The following DLGAP2 variants were observed in gnomAD, a reference collection of about 807,000 sequenced individuals.
DLGAP2 encodes DLG associated protein 2.
DLGAP2 carries 26 observed loss-of-function variants against 100.3 expected under a neutral mutation model. The ratio of observed to expected loss-of-function variants is 0.26; its 90% CI spans 0.19 to 0.36. DLGAP2 has a LOEUF of 0.36. Ranked by LOEUF, DLGAP2 falls within the 10% of genes least tolerant of loss-of-function variation. The probability of loss-of-function intolerance (pLI) is 1.00; values close to 1 mark genes in which losing one functional copy is unlikely to be tolerated. For synonymous variants in DLGAP2, 886 were observed against 630.1 expected (o/e 1.41, Z -6.08); for missense variants, 1,858 against 1,453.2 (o/e 1.28, Z -4.53).
At chr8:1,559,039 G>T (rs1222865347) in intron 5 of DLGAP2, among the ~76,000 whole-genome samples, 5 of 152,194 alleles carry the variant, frequency 3.3e-5, no homozygotes, top group Admixed American at 3.3e-4. Context: ...TTGGAAGAAA[G>T]AAAAGATATT....
intron 3 of DLGAP2, among the ~76,000 whole-genome samples, chr8:1,344,131 G>GGTCCGTGTACTTGGGGCCCTGTCGTGA (rs1801493122): frequency 1.8e-5 from 2 of 112,826 alleles, no homozygotes; most frequent in South Asian, 6.8e-4. Context: ...CCCTGTCGTG[G>GGTCCGTGTACTTGGGGCCCTGTCGTGA]GTCCGTGTAC....
chr8:1,143,657 C>G (rs1165061905), intron 2 of DLGAP2, among the ~76,000 whole-genome samples: 1 of 152,180 alleles, frequency 6.6e-6, no homozygotes, highest in Middle Eastern at 3.2e-3. Context: ...CTCTCCTTCC[C>G]TCACCCACGC....
chr8:1,450,442 CGGCCTCGGTGGCTGTGGCT>C (rs1798122015), intron 3 of DLGAP2, among the ~76,000 whole-genome samples: 1 of 43,000 alleles, frequency 2.3e-5, no homozygotes, highest in Non-Finnish European at 5.2e-5. Context: ...ACGAGGTGGG[CGGCCTCGGTGGCTGTGGCT>C]GAGGCTGAGC....
intron 2 of DLGAP2, among the ~76,000 whole-genome samples, chr8:976,999 G>A (rs1419888701): frequency 1.3e-5 from 2 of 152,178 alleles, no homozygotes; most frequent in Non-Finnish European, 1.5e-5. Flanking sequence ...GAAATGACAA[G>A]CTACAGACTG....
intron 1 of DLGAP2, among the ~76,000 whole-genome samples, chr8:861,196 C>T (rs965081178): frequency 6.6e-6 from 1 of 152,202 alleles, no homozygotes; most frequent in South Asian, 2.1e-4. Flanking sequence ...TTGTTCCCTA[C>T]ACGATACAGT....
chr8:787,228 C>G (rs892019248), intron 1 of DLGAP2, among the ~76,000 whole-genome samples: 2 of 152,170 alleles, frequency 1.3e-5, no homozygotes, highest in African/African-American at 2.4e-5. Context: ...TTTCCTGTCT[C>G]AATCGCTCGT....
intron 4 of DLGAP2, among the ~76,000 whole-genome samples, chr8:1,523,170 C>T (rs950340856): frequency 6.6e-6 from 1 of 152,162 alleles, no homozygotes; most frequent in Admixed American, 6.5e-5. Context: ...AGGAAAAGGC[C>T]CCCCTCTGGT....
chr8:759,187 C>T (rs558075625), intron 1 of DLGAP2, among the ~76,000 whole-genome samples: 560 of 98,554 alleles, frequency 5.7e-3, no homozygotes, highest in African/African-American at 0.011. Context: ...TCAATACCCC[C>T]GACAGCCTTC....
chr8:827,098 G>A (rs926182742), intron 1 of DLGAP2, among the ~76,000 whole-genome samples: 28 of 152,088 alleles, frequency 1.8e-4, no homozygotes, highest in African/African-American at 2.4e-5. Context: ...GTTGGAGGGC[G>A]TTTACTTCCA....
In DLGAP2 at chr8:1,536,223, A is replaced by G. The variant is rs1425257007; in HGVS notation, c.173-12403A>G. On this transcript the variant is annotated intron_variant, in intron 4 of 14. Transcript: ENST00000637795. ...GCTGGAACTTGGGCACCTACAAGCC[A>G]TCTGAACTTGGGAAAGTCACCTTCT... Among the ~76,000 whole-genome samples, 3 of 152,116 alleles carry G rather than the reference A, an allele frequency of 2.0e-5. No homozygotes were observed. In the East Asian group the frequency reaches 5.8e-4, roughly 29 times the overall value.
intron 14 of DLGAP2, among the ~76,000 whole-genome samples, chr8:1,697,661 T>C (rs1799437092): frequency 6.6e-6 from 1 of 152,210 alleles, no homozygotes; most frequent in Admixed American, 6.5e-5. Flanking sequence ...CTTGTTCTCA[T>C]TGTGTAAATA....
intron 3 of DLGAP2, among the ~76,000 whole-genome samples, chr8:1,305,160 G>A (rs76273808): frequency 3.2e-3 from 488 of 152,304 alleles, no homozygotes; most frequent in African/African-American, 0.011. Context: ...TTCCCATTCA[G>A]TGACCTAAGC....
chr8:1,158,319 G>A (rs978005468), intron 2 of DLGAP2, among the ~76,000 whole-genome samples: 1 of 152,200 alleles, frequency 6.6e-6, no homozygotes, highest in Non-Finnish European at 1.5e-5. Context: ...GTGCGTACAT[G>A]TATCTGTGTG....
At chr8:1,504,755 TTTTC>T (rs1420389430) in intron 4 of DLGAP2, among the ~76,000 whole-genome samples, 2 of 152,084 alleles carry the variant, frequency 1.3e-5, no homozygotes, top group Non-Finnish European at 2.9e-5. Context: ...GTATTCCACA[TTTTC>T]TTTGTCTGTG....
intron 2 of DLGAP2, among the ~76,000 whole-genome samples, chr8:958,581 C>CAAAAAAA (rs1563114216): frequency 2.6e-5 from 2 of 78,048 alleles, no homozygotes; most frequent in Non-Finnish European, 5.2e-5. Flanking sequence ...AACTAGACCT[C>CAAAAAAA]CAAAAAAAAA....
chr8:932,293 T>C (rs1798977602), intron 2 of DLGAP2, among the ~76,000 whole-genome samples: 1 of 152,212 alleles, frequency 6.6e-6, no homozygotes, highest in African/African-American at 2.4e-5. Context: ...GTTCATAACC[T>C]TTGGATTTTC....
intron 2 of DLGAP2, among the ~76,000 whole-genome samples, chr8:1,065,899 G>C (rs1803229900): frequency 6.6e-6 from 1 of 152,200 alleles, no homozygotes; most frequent in African/African-American, 2.4e-5. Context: ...TCTCCCGCGT[G>C]GTCTGTGGGG....
chr8:745,732 C>T (rs1327180694), intron 1 of DLGAP2, among the ~76,000 whole-genome samples: 1 of 152,178 alleles, frequency 6.6e-6, no homozygotes, highest in Non-Finnish European at 1.5e-5. Context: ...AAAAAATACA[C>T]ATCCACAAAA....
At chr8:1,312,641 T>G (rs541961945) in intron 3 of DLGAP2, among the ~76,000 whole-genome samples, 3 of 152,258 alleles carry the variant, frequency 2.0e-5, no homozygotes, top group African/African-American at 7.2e-5. Flanking sequence ...AATTACACAC[T>G]TAAAATGAGT....
Sources: allele counts gnomAD v4.1 joint callset (sites outside exome capture counted in the v4.1 genomes callset), GRCh38; gene constraint gnomAD v4.1.1; transcripts MANE v1.5; gene names NCBI Gene and HGNC (gene_info 2026-07-23, HGNC 2026-07-21).